The following NSMF variants were observed in gnomAD, a reference collection of about 807,000 sequenced individuals.
NSMF encodes nasal embryonic LHRH factor.
A neutral mutation model predicts 71.0 loss-of-function variants in NSMF; 31 were observed. The observed-to-expected ratio is 0.44, with a 90% confidence interval of 0.33 to 0.59. The LOEUF is 0.59. NSMF is among the 20% of genes least tolerant of loss of function. The pLI is 0.04. For synonymous variants in NSMF, 345 were observed against 287.1 expected, an observed-to-expected ratio of 1.20 and a Z score of -2.04; for missense variants, 673 against 740.5, an observed-to-expected ratio of 0.91 and a Z score of 1.06.
In NSMF at chr9:137,455,321, G is replaced by T. The variant is rs779064916; in HGVS notation, c.711-14C>A. ...CCCCTGAACACCCTGGGAAACCACC[G>T]CGAGTCAGCACTGCCCTTGGCCGGA... On this transcript the variant is annotated splice_polypyrimidine_tract_variant and intron_variant, in intron 5 of 15. Coordinates refer to ENST00000371475, the MANE Select transcript of NSMF (RefSeq NM_001130969.3). 7.4e-6 allele frequency: 12 copies of T among 1,612,504 alleles called. No homozygotes were observed. The East Asian group carries it at 8.9e-5, about 12-fold the overall frequency.
chr9:137,457,168 T>C (rs1001524970), intron 3 of NSMF, among the ~76,000 whole-genome samples: 1 of 152,134 alleles, frequency 6.6e-6, no homozygotes, highest in Non-Finnish European at 1.5e-5. Context: ...GACCTGGTGC[T>C]AGCAGGGCGA....
chr9:137,449,704 G>A (rs771257214), intron 14 of NSMF, 30 bp from the exon 15 acceptor site: 74 of 1,593,680 alleles, frequency 4.6e-5, no homozygotes, highest in Non-Finnish European at 6.3e-5. Flanking sequence ...ATGAGTCCGA[G>A]GCAGAGAGAT....
Position 137,449,906 on chromosome 9 carries a change from CT to C in NSMF, c.1419+16del, listed in dbSNP as rs768914095. On this transcript the variant is annotated intron_variant, in intron 14 of 15. Coordinates refer to ENST00000371475, the MANE Select transcript of NSMF (RefSeq NM_001130969.3). ...GGGTTTCCAGAGGTCTGGGGTGGGG[CT>C]TGGGGGTCACTGTACCTTCTCTCCA... 2 of 1,600,940 alleles carry C rather than the reference CT, an allele frequency of 1.2e-6. No homozygotes were observed. The highest frequency in any genetic ancestry group is 1.1e-5 in the South Asian group (1 of 90,900).
At chr9:137,452,242 C>A in intron 12 of NSMF, 123 bp downstream of exon 12, 1 of 610,244 alleles carries the variant, frequency 1.6e-6, no homozygotes, top group Non-Finnish European at 2.7e-6. Flanking sequence ...AACACCTCTT[C>A]CCCTTGGTCT....
Position 137,459,249 on chromosome 9 carries a change from C to A in NSMF, c.-147G>T, listed in dbSNP as rs1831052576. 1.0e-5 allele frequency: 5 copies of A among 478,298 alleles called. No individual in the cohort carries two copies. Among genetic ancestry groups the A allele is most frequent in the South Asian group, 8.5e-5 (1 of 11,780 alleles). 29.6% of individuals were successfully genotyped at this position (478,298 alleles called of 1,614,324 possible). A position where few individuals can be genotyped will look rare whatever the true frequency, so the allele number is the denominator to read the frequency against. ...TCCGGCTCGGGCTTGGGCTCGGGGT[C>A]GGGCTCGGGGTCGGGCCCGGTCCCC... On this transcript the variant is annotated 5_prime_UTR_variant, in exon 1 of 16. Transcript: ENST00000371475.
In NSMF at chr9:137,449,359, T is replaced by A; in HGVS notation, c.*35A>T. The A allele has an allele frequency of 1.3e-6, 2 of 1,561,238 alleles. No homozygotes were observed. Among genetic ancestry groups the A allele is most frequent in the Non-Finnish European group, 1.8e-6 (2 of 1,134,390 alleles). On this transcript the variant is annotated 3_prime_UTR_variant, in exon 16 of 16. Transcript: ENST00000371475. Reference sequence around the variant, plus strand: ...GCCCCAGGTCCCGGTGCAGAGGGAGTGGCCTGATGGTGACTGGGCGGAGGC... The same window carrying A: ...GCCCCAGGTCCCGGTGCAGAGGGAGAGGCCTGATGGTGACTGGGCGGAGGC...
chr9:137,449,473 G>A lies in NSMF; in HGVS notation c.1514C>T (p.Thr505Met), dbSNP rs375225702. 8.1e-6 allele frequency: 13 copies of A among 1,612,790 alleles called. No individual in the cohort carries two copies. Among genetic ancestry groups the A allele is most frequent in the African/African-American group, 4.0e-5 (3 of 74,924 alleles). The change falls in exon 16 of 16, where the codon ACG becomes ATG. Residue 505 changes from threonine to methionine, a missense_variant. Physicochemically the swap from Thr to Met is moderately conservative, Grantham distance 81. Transcript: ENST00000371475. ...GCGATACAACCGGAAGTCAAAGTAC[G>A]TCTCGATCATCTGCTTCCCTGGGCG... ...LSAQGKQMIE[T>M]YFDFRLYRLW... is the part of the protein sequence containing the mutation.
rs1830909739 is a variant in NSMF at position 137,457,674 on chromosome 9, G to C, written c.361C>G (p.Leu121Val). The change falls in exon 3 of 16, where the codon CTG becomes GTG. Residue 121 changes from leucine to valine, a missense_variant. By Grantham distance (32) the Leu-to-Val change is conservative (BLOSUM62 1). This residue lies in a region of NSMF where 471 missense variants were observed against 459.6 expected (regional missense o/e 1.02). Coordinates refer to ENST00000371475, the MANE Select transcript of NSMF (RefSeq NM_001130969.3). ...TGCCGCCGCCCCTTCACCACCGCCAGCTCAATGGCCTCCGCCTCAGGGCTG... is the reference window on the plus strand; with the variant it reads ...TGCCGCCGCCCCTTCACCACCGCCACCTCAATGGCCTCCGCCTCAGGGCTG... The part of the protein sequence containing the change: ...LPSPEAEAIE[L>V]AVVKGRRQRH... 8 of 1,550,888 alleles carry C rather than the reference G, an allele frequency of 5.2e-6. No homozygotes were observed. The highest frequency in any genetic ancestry group is 6.1e-6 in the Non-Finnish European group (7 of 1,147,236).
At chr9:137,456,024 G>A (rs1830813581) in intron 4 of NSMF, among the ~76,000 whole-genome samples, 1 of 152,274 alleles carries the variant, frequency 6.6e-6, no homozygotes, top group African/African-American at 2.4e-5. Context: ...TCCCTGCGGG[G>A]ACCCTGAAAC....
chr9:137,457,797 C>G lies in NSMF; in HGVS notation c.238G>C (p.Glu80Gln). ...CTGGGCTCCTCTGAGAGGCTGCCCT[C>G]GTAGCAGCCGTTGGAGACGAGGGAC... ...RLSLVSNGCYEGSLSEEPSIR... is the reference protein window; with the variant it reads ...RLSLVSNGCYQGSLSEEPSIR... The change falls in exon 3 of 16, where the codon GAG (glutamate) becomes CAG (glutamine). Residue 80 changes from glutamate (E) to glutamine (Q), a missense_variant. By Grantham distance (29) the Glu-to-Gln change is conservative. This residue lies in a region of NSMF where 471 missense variants were observed against 459.6 expected (regional missense o/e 1.02). Transcript: ENST00000371475. 1 of 1,557,936 alleles carries G rather than the reference C, an allele frequency of 6.4e-7. No homozygotes were observed. Among genetic ancestry groups the G allele is most frequent in the South Asian group, 1.2e-5 (1 of 84,626 alleles).
intron 3 of NSMF, 65 bp downstream of exon 3, chr9:137,457,342 G>A (rs928895277): frequency 3.1e-6 from 5 of 1,605,584 alleles, no homozygotes; most frequent in Admixed American, 1.7e-5. Context: ...AGTGGCTGCT[G>A]CTGTCAGACC....
intron 13 of NSMF, 45 bp downstream of exon 13, chr9:137,450,131 C>T: frequency 5.6e-6 from 9 of 1,593,620 alleles, no homozygotes; most frequent in Non-Finnish European, 6.9e-6. Flanking sequence ...AGGGCCTGGA[C>T]TCTGCCTCCA....
chr9:137,456,519 G>T, intron 3 of NSMF, 33 bp from the exon 4 acceptor site: 1 of 1,444,116 alleles, frequency 6.9e-7, no homozygotes, highest in Non-Finnish European at 9.7e-7. Context: ...GTGGCTGGGT[G>T]AAGTAGGGGT....
intron 12 of NSMF, among the ~76,000 whole-genome samples, chr9:137,451,390 C>T (rs1830513667): frequency 1.8e-4 from 1 of 5,662 alleles, no homozygotes; most frequent in Non-Finnish European, 3.3e-4. Flanking sequence ...CCTTGATCTC[C>T]CCCGCCACGT....
At position 137,448,669 on chromosome 9, in the gene NSMF, C is replaced by T. The variant is rs1420195689; in HGVS notation, c.*725G>A. 1 of 153,138 alleles carries T rather than the reference C, an allele frequency of 6.5e-6. No homozygotes were observed. The highest frequency in any genetic ancestry group is 1.5e-5 in the Non-Finnish European group (1 of 68,710). The allele number at this position is 153,138 out of a possible 1,614,324, so 9.5% of individuals were successfully genotyped here. A position where few individuals can be genotyped will look rare whatever the true frequency, so the allele number is the denominator to read the frequency against. On this transcript the variant is annotated 3_prime_UTR_variant, in exon 16 of 16. Coordinates refer to ENST00000371475, the MANE Select transcript of NSMF (RefSeq NM_001130969.3). The surrounding 1 kb of genome is among the most constrained non-coding windows in gnomAD (Gnocchi z 5.3). ...GGGGAGCAGGCCCCACCCAGAGCCT[C>T]CTCTGAAGGAGGGGACGCTGCGCCC...
chr9:137,453,731 T>C lies in NSMF; in HGVS notation c.922A>G (p.Ser308Gly). The stretch of plus-strand genomic sequence containing the variant: ...GGGCGGGCCTGTGCGGGGCACCTAC[T>C]GTCTCGGGAGTCGTGGGAAGTGTCG... Reference protein sequence around the residue: ...KADTSHDSRDSSDLQSSHCTL... With the variant: ...KADTSHDSRDGSDLQSSHCTL... The change falls in exon 8 of 16, where the codon AGC becomes GGC. Residue 308 changes from serine to glycine, a missense_variant and splice_region_variant. Ser to Gly is a moderately conservative substitution (Grantham distance 56, BLOSUM62 0). This residue lies in a region of NSMF where 471 missense variants were observed against 459.6 expected (regional missense o/e 1.02). Coordinates refer to ENST00000371475, the MANE Select transcript of NSMF (RefSeq NM_001130969.3). The surrounding 1 kb of genome is among the most constrained non-coding windows in gnomAD (Gnocchi z 4.5). 2 of 1,599,666 alleles carry C rather than the reference T, an allele frequency of 1.3e-6. No individual in the cohort carries two copies. Among genetic ancestry groups the C allele is most frequent in the Non-Finnish European group, 1.7e-6 (2 of 1,176,970 alleles).
At chr9:137,457,339 G>C in intron 3 of NSMF, 68 bp downstream of exon 3, 1 of 1,602,678 alleles carries the variant, frequency 6.2e-7, no homozygotes, top group Non-Finnish European at 8.5e-7. Flanking sequence ...CACAGTGGCT[G>C]CTGCTGTCAG....
At chr9:137,449,822 G>A in intron 14 of NSMF, 101 bp downstream of exon 14, 1 of 1,339,676 alleles carries the variant, frequency 7.5e-7, no homozygotes, top group Non-Finnish European at 1.1e-6. Flanking sequence ...GGAATGCCCG[G>A]GGGAAGGAAA....
rs1830658703 is a variant in NSMF, at chr9:137,453,557, A to T, written c.922+174T>A. Reference sequence around the variant, plus strand: ...GGCCAGCACTGCCGCGGCCGTTGTTAGCCCCGCCTTTGCGATCGGAGATGC... The same window carrying T: ...GGCCAGCACTGCCGCGGCCGTTGTTTGCCCCGCCTTTGCGATCGGAGATGC... On this transcript the variant is annotated intron_variant, in intron 8 of 15. Coordinates refer to ENST00000371475, the MANE Select transcript of NSMF (RefSeq NM_001130969.3). This position sits in a 1 kb window ranked among gnomAD's most constrained non-coding sequence, Gnocchi z 4.5. The T allele has an allele frequency of 3.2e-6, 2 of 627,152 alleles. No homozygotes were observed. The highest frequency in any genetic ancestry group is 1.8e-5 in the African/African-American group (1 of 54,262). 38.8% of individuals were successfully genotyped at this position (627,152 alleles called of 1,614,324 possible).
Sources: gnomAD v4.1 joint callset for allele counts (sites outside exome capture counted in the v4.1 genomes callset) on GRCh38, gnomAD v4.1.1 for gene constraint, gnomAD v4.1.1 regional missense constraint, Gnocchi (gnomAD v3.1) non-coding constraint, MANE v1.5 for transcripts, NCBI Gene and HGNC (gene_info 2026-07-23, HGNC 2026-07-21) for gene names.